Variants in RSRC1 observed in about 807,000 individuals in gnomAD.
RSRC1 encodes the protein arginine and serine rich coiled-coil 1.
In RSRC1, 39 loss-of-function variants were observed where a neutral mutation model predicts 49.1. The ratio of observed to expected loss-of-function variants is 0.79; its 90% CI spans 0.61 to 1.04. The LOEUF (loss-of-function observed/expected upper bound fraction) is 1.04. Ranked by LOEUF, RSRC1 falls within the 50% of genes least tolerant of loss-of-function variation. The probability of loss-of-function intolerance (pLI) is 0.00; values close to 1 mark genes in which losing one functional copy is unlikely to be tolerated. For synonymous variants in RSRC1, 143 were observed against 130.8 expected (o/e 1.09, Z -0.63); for missense variants, 388 against 402.4 (o/e 0.96, Z 0.31).
chr3:158,326,251 A>C (rs921001659), intron 5 of RSRC1, among the ~76,000 whole-genome samples: 3 of 152,208 alleles, frequency 2.0e-5, no homozygotes, highest in Admixed American at 6.5e-5. Context: ...CCCTGGCCAG[A>C]ACTTCCAACA....
At chr3:158,211,428 G>A (rs538254324) in intron 4 of RSRC1, among the ~76,000 whole-genome samples, 3 of 152,008 alleles carry the variant, frequency 2.0e-5, no homozygotes, top group Admixed American at 6.6e-5. Context: ...AGACACAAAC[G>A]TAGGCTACCA....
intron 7 of RSRC1, among the ~76,000 whole-genome samples, chr3:158,536,682 T>A (rs1305632181): frequency 4.6e-5 from 7 of 151,378 alleles, no homozygotes; most frequent in Non-Finnish European, 8.9e-5. Context: ...ATATATCAGA[T>A]CCACCCAAAA....
chr3:158,480,129 T>A (rs1019911169), intron 7 of RSRC1, among the ~76,000 whole-genome samples: 1 of 152,040 alleles, frequency 6.6e-6, no homozygotes, highest in Non-Finnish European at 1.5e-5. Context: ...TGAGGTTTTA[T>A]TCCCCTTAAA....
At chr3:158,262,119 G>GT (rs983833671) in intron 4 of RSRC1, among the ~76,000 whole-genome samples, 7 of 152,036 alleles carry the variant, frequency 4.6e-5, no homozygotes, top group African/African-American at 1.4e-4. Context: ...TAGTTTTTGA[G>GT]TTTTTTTATT....
At chr3:158,178,688 C>A (rs1341897789) in intron 3 of RSRC1, among the ~76,000 whole-genome samples, 2 of 152,072 alleles carry the variant, frequency 1.3e-5, no homozygotes, top group Non-Finnish European at 2.9e-5. Flanking sequence ...GCTCTGTAGA[C>A]ATGATCATTG....
rs1328492001 is a variant in RSRC1 at position 158,469,496 on chromosome 3, A to C, written c.652+8493A>C. ...TACTATACTTCACCATAGTCTTTGCAAAATGAAACAGTATAGCAGAGATCA... is the reference window on the plus strand; with the variant it reads ...TACTATACTTCACCATAGTCTTTGCCAAATGAAACAGTATAGCAGAGATCA... On this transcript the variant is annotated intron_variant, in intron 7 of 9. Transcript: ENST00000611884. 3 of 314,036 alleles carry C rather than the reference A, an allele frequency of 9.6e-6. No individual in the cohort carries two copies. The East Asian group carries it at 2.7e-4, about 28-fold the overall frequency. 19.5% of individuals were successfully genotyped at this position (314,036 alleles called of 1,614,324 possible).
chr3:158,338,054 T>C (rs1285419437), intron 5 of RSRC1, among the ~76,000 whole-genome samples: 2 of 152,348 alleles, frequency 1.3e-5, no homozygotes, highest in Non-Finnish European at 1.5e-5. Flanking sequence ...GTAATAGTAT[T>C]GGATCATGAA....
chr3:158,367,029 T>G (rs896199724), intron 6 of RSRC1, among the ~76,000 whole-genome samples: 1 of 152,160 alleles, frequency 6.6e-6, no homozygotes, highest in African/African-American at 2.4e-5. Context: ...TTTATCAGCT[T>G]AAGGAGATTT....
intron 2 of RSRC1, 22 bp from the exon 3 acceptor site, chr3:158,123,844 C>T (rs1318312999): frequency 1.3e-6 from 2 of 1,586,050 alleles, no homozygotes; most frequent in Admixed American, 3.7e-5. Flanking sequence ...TAGCAGTGAT[C>T]TTTGATTATA....
At chr3:158,331,391 G>C (rs776404469) in intron 5 of RSRC1, among the ~76,000 whole-genome samples, 1 of 152,094 alleles carries the variant, frequency 6.6e-6, no homozygotes, top group African/African-American at 2.4e-5. Context: ...AAACTTACAA[G>C]AACTTTTTTT....
At chr3:158,269,537 A>T (rs143699757) in intron 4 of RSRC1, among the ~76,000 whole-genome samples, 201 of 151,638 alleles carry the variant, frequency 1.3e-3, no homozygotes, top group African/African-American at 4.7e-3. Flanking sequence ...TTTTGGAGTC[A>T]GAGTCTTGCT....
intron 3 of RSRC1, among the ~76,000 whole-genome samples, chr3:158,158,197 G>C (rs1717994563): frequency 6.6e-6 from 1 of 152,082 alleles, no homozygotes; most frequent in African/African-American, 2.4e-5. Flanking sequence ...CTACAGCTGT[G>C]CCTTCAAACA....
At chr3:158,529,253 A>G (rs1712240191) in intron 7 of RSRC1, among the ~76,000 whole-genome samples, 1 of 149,240 alleles carries the variant, frequency 6.7e-6, no homozygotes, top group African/African-American at 2.5e-5. Flanking sequence ...ATAAAGCTAC[A>G]CTGTATTTTA....
At chr3:158,386,813 G>A (rs998888166) in intron 6 of RSRC1, among the ~76,000 whole-genome samples, 4 of 147,536 alleles carry the variant, frequency 2.7e-5, no homozygotes, top group Non-Finnish European at 6.0e-5. Context: ...AATGTGAGTC[G>A]TATTCACTAG....
intron 1 of RSRC1, among the ~76,000 whole-genome samples, chr3:158,111,842 T>G (rs115140454): frequency 1.1e-3 from 172 of 152,370 alleles, no homozygotes; most frequent in African/African-American, 4.0e-3. Context: ...CTGAAAGAGA[T>G]AACTGCTTCT....
At chr3:158,177,284 A>C (rs575951491) in intron 3 of RSRC1, among the ~76,000 whole-genome samples, 1 of 152,314 alleles carries the variant, frequency 6.6e-6, no homozygotes, top group East Asian at 1.9e-4. Flanking sequence ...CAGCAATCCC[A>C]TTTCTGCATA....
chr3:158,274,453 T>A (rs1725694187), intron 4 of RSRC1, among the ~76,000 whole-genome samples: 1 of 147,300 alleles, frequency 6.8e-6, no homozygotes, highest in Non-Finnish European at 1.5e-5. Context: ...TGACTTAGGA[T>A]CTTTTCTTTT....
At chr3:158,422,555 T>C (rs1241114948) in intron 6 of RSRC1, among the ~76,000 whole-genome samples, 1 of 151,402 alleles carries the variant, frequency 6.6e-6, no homozygotes, top group East Asian at 2.0e-4. Context: ...TGTGTCTTTA[T>C]AGCAGCATGA....
chr3:158,388,084 G>A (rs1018471525), intron 6 of RSRC1, among the ~76,000 whole-genome samples: 3 of 151,916 alleles, frequency 2.0e-5, no homozygotes, highest in African/African-American at 7.2e-5. Context: ...TATTTACCTA[G>A]TGCAATATTC....
Sources: allele counts gnomAD v4.1 joint callset (sites outside exome capture counted in the v4.1 genomes callset), GRCh38; gene constraint gnomAD v4.1.1; transcripts MANE v1.5; gene names NCBI Gene and HGNC (gene_info 2026-07-23, HGNC 2026-07-21).